The following COL9A3 variants were observed in gnomAD, a reference collection of about 807,000 sequenced individuals.
COL9A3 encodes the protein collagen alpha-3(IX) chain.
Under a neutral mutation model 110.2 loss-of-function variants are expected in COL9A3, and 82 were observed. The ratio of observed to expected loss-of-function variants is 0.74; its 90% CI spans 0.62 to 0.89. The LOEUF is 0.89. Ranked by LOEUF, COL9A3 falls within the 40% of genes least tolerant of loss-of-function variation. COL9A3 has a pLI of 0.00. For missense variants in COL9A3, 1,066 were observed against 981.3 expected (o/e 1.09, Z -1.15); for synonymous variants, 494 against 403.8 (o/e 1.22, Z -2.68).
chr20:62,821,630 AGG>A (rs2063513856), intron 7 of COL9A3, 100 bp downstream of exon 7: 2 of 1,575,576 alleles, frequency 1.3e-6, no homozygotes, highest in Non-Finnish European at 1.7e-6. Flanking sequence ...GGGGCTTCTC[AGG>A]GGCAGCCATC....
chr20:62,824,625 G>A, intron 11 of COL9A3, 124 bp downstream of exon 11: 1 of 1,053,088 alleles, frequency 9.5e-7, no homozygotes, highest in Middle Eastern at 2.9e-4. Flanking sequence ...GTTGCCCCAG[G>A]AAGAAAGCTA....
chr20:62,826,664 A>T, intron 14 of COL9A3, 103 bp from the exon 15 acceptor site: 1 of 1,250,514 alleles, frequency 8.0e-7, no homozygotes, highest in Non-Finnish European at 1.2e-6. Context: ...GGGGAGCCCT[A>T]GAGGAAGGGC....
chr20:62,837,206 C>T lies in COL9A3; in HGVS notation c.1727C>T (p.Ala576Val), dbSNP rs1344568540. 7.4e-6 allele frequency: 12 copies of T among 1,612,328 alleles called. No individual in the cohort carries two copies. The highest frequency in any genetic ancestry group is 1.0e-5 in the Non-Finnish European group (12 of 1,179,708). The change falls in exon 30 of 32, where the codon GCT becomes GTT. Residue 576 changes from alanine to valine, a missense_variant. Transcript: ENST00000649368. The part of the protein sequence containing the change: ...GPPGSIGHPG[A>V]RGPPGYRGPT... ...CCAGGCTCCATTGGTCACCCTGGCG[C>T]TCGAGGACCCCCTGGATACCGCGGT... is the stretch of plus-strand genomic sequence containing the variant.
At chr20:62,839,780 C>T (rs1254254875) in intron 31 of COL9A3, among the ~76,000 whole-genome samples, 1 of 146,340 alleles carries the variant, frequency 6.8e-6, no homozygotes, top group Non-Finnish European at 1.5e-5. Context: ...CCCACCTCTC[C>T]CTGGGTGCCC....
At chr20:62,832,920 A>G (rs541738071) in intron 25 of COL9A3, 100 bp from the exon 26 acceptor site, 1 of 1,152,106 alleles carries the variant, frequency 8.7e-7, no homozygotes, top group Non-Finnish European at 1.3e-6. Flanking sequence ...CCTTAAGATG[A>G]ACATTACACC....
chr20:62,829,409 C>G lies in COL9A3; in HGVS notation c.1009-46C>G, dbSNP rs557147619. On this transcript the variant is annotated intron_variant, in intron 19 of 31. Coordinates refer to ENST00000649368, the MANE Select transcript of COL9A3 (RefSeq NM_001853.4). ...GCACGCCCCTGGGTGCTGCTGCCGG[C>G]GTGCAATGTAACTGGCAGCCCTGAC... 5.0e-6 allele frequency: 8 copies of G among 1,611,142 alleles called. No individual in the cohort carries two copies. The East Asian group carries it at 1.3e-4, about 27-fold the overall frequency.
Position 62,817,592 on chromosome 20 carries a change from G to GC in COL9A3, c.110dup (p.Gly38ArgfsTer12). ...AGAGTGGGACTCCCCGGCCCCCCCGGCCCCCCAGGGCCGCCCGGGAAGCCC... is the reference window on the plus strand; with the variant it reads ...AGAGTGGGACTCCCCGGCCCCCCCGGCCCCCCCAGGGCCGCCCGGGAAGCCC... On this transcript the variant is annotated frameshift_variant, in exon 2 of 32. Transcript: ENST00000649368. LOFTEE classifies it high-confidence loss of function. 6.5e-7 allele frequency: 1 copy of GC among 1,546,806 alleles called. No individual in the cohort carries two copies. Among genetic ancestry groups the GC allele is most frequent in the Non-Finnish European group, 8.7e-7 (1 of 1,144,832 alleles).
Position 62,822,112 on chromosome 20 carries a change from G to A in COL9A3, c.425G>A (p.Gly142Glu). The A allele has an allele frequency of 6.4e-7, 1 of 1,558,776 alleles. No homozygotes were observed. The highest frequency in any genetic ancestry group is 8.8e-7 in the Non-Finnish European group (1 of 1,130,568). The change falls in exon 9 of 32, where the codon GGA becomes GAA. Residue 142 changes from glycine (G) to glutamate (E), a missense_variant and splice_region_variant. Transcript: ENST00000649368. ...GTCTAAGTCATACCCCCTCCCCAGG[G>A]ACCTTCTGGACTCCCCGGCCTCCCT... ...PGGIGLRGPP[G>E]PSGLPGLPGP...
At position 62,828,991 on chromosome 20, in the gene COL9A3, G is replaced by T; in HGVS notation, c.1008+15G>T. On this transcript the variant is annotated intron_variant, in intron 19 of 31. Transcript: ENST00000649368. ...ACGGGCTGCCGGTGAGTGCCCGGCG[G>T]GTGGGGCCAGCCTGGGGCGCCACAG... The T allele has an allele frequency of 1.3e-6, 2 of 1,590,572 alleles. No homozygotes were observed. The highest frequency in any genetic ancestry group is 1.7e-6 in the Non-Finnish European group (2 of 1,171,700).
At chr20:62,821,734 C>T in intron 7 of COL9A3, 23 bp from the exon 8 acceptor site, 3 of 1,606,896 alleles carry the variant, frequency 1.9e-6, no homozygotes, top group Middle Eastern at 1.8e-4. Context: ...CAGACCTCCC[C>T]ACCTCTCTTT....
chr20:62,824,621 C>G (rs2063536181), intron 11 of COL9A3, 120 bp downstream of exon 11: 1 of 1,090,170 alleles, frequency 9.2e-7, no homozygotes, highest in African/African-American at 1.6e-5. Context: ...CAGGGTTGCC[C>G]CAGGAAGAAA....
At chr20:62,824,892 A>T in intron 11 of COL9A3, 76 bp from the exon 12 acceptor site, 8 of 1,427,820 alleles carry the variant, frequency 5.6e-6, no homozygotes, top group Non-Finnish European at 7.7e-6. Context: ...CTGACCCTGC[A>T]GGCCTCACTT....
chr20:62,829,952 G>C, intron 22 of COL9A3, 133 bp downstream of exon 22: 1 of 1,223,360 alleles, frequency 8.2e-7, no homozygotes, highest in Non-Finnish European at 1.1e-6. Flanking sequence ...AGGATGCCAG[G>C]AGGTGTGGGG....
At chr20:62,838,255 C>G (rs113398158) in intron 30 of COL9A3, among the ~76,000 whole-genome samples, 5,123 of 152,270 alleles carry the variant, frequency 0.034, 298 homozygotes, top group African/African-American at 0.12. Flanking sequence ...AGTTCACTTA[C>G]GCAAGCCCGG....
intron 30 of COL9A3, among the ~76,000 whole-genome samples, chr20:62,837,527 G>A (rs935601911): frequency 2.0e-5 from 3 of 152,228 alleles, no homozygotes; most frequent in African/African-American, 7.2e-5. Flanking sequence ...ATGTGACGAA[G>A]GCTGGGCGCG....
chr20:62,817,420 C>A, intron 1 of COL9A3, 147 bp from the exon 2 acceptor site: 1 of 606,944 alleles, frequency 1.6e-6, no homozygotes, highest in East Asian at 3.2e-5. Context: ...TGCGCGGGGG[C>A]GCCGGGCTCC....
At chr20:62,818,009 C>T in intron 2 of COL9A3, 1 of 371,880 alleles carries the variant, frequency 2.7e-6, no homozygotes, top group South Asian at 2.5e-5. Flanking sequence ...CTGGAGCCAG[C>T]CATGGAGGGG....
At position 62,821,457 on chromosome 20, in the gene COL9A3, G is replaced by A. The variant is rs372933659; in HGVS notation, c.346-50G>A. On this transcript the variant is annotated intron_variant, in intron 6 of 31. Coordinates refer to ENST00000649368, the MANE Select transcript of COL9A3 (RefSeq NM_001853.4). ...GAGCCATCTTAGGGAGGGGTGAGGC[G>A]CAGCCCTTCTTGTGCCTGGCAGGCT... 20 of 1,610,724 alleles carry A rather than the reference G, an allele frequency of 1.2e-5. 1 individual carries two copies. The Admixed American group carries it at 1.3e-4, about 11-fold the overall frequency.
chr20:62,817,908 G>T (rs747142769), intron 2 of COL9A3: 2 of 573,474 alleles, frequency 3.5e-6, no homozygotes, highest in South Asian at 1.7e-5. Context: ...CCGTGCCCCT[G>T]TGTTCGGGGT....
Sources: gnomAD v4.1 joint callset for allele counts (sites outside exome capture counted in the v4.1 genomes callset) on GRCh38, gnomAD v4.1.1 for gene constraint, MANE v1.5 for transcripts, NCBI Gene and HGNC (gene_info 2026-07-23, HGNC 2026-07-21) for gene names.